FAM163B: variants seen among roughly 807,000 people sequenced by gnomAD.
FAM163B encodes the protein protein FAM163B.
A neutral mutation model predicts 7.6 loss-of-function variants in FAM163B; 4 were observed. That is an observed-to-expected ratio of 0.52 (90% CI 0.26 to 1.20). The LOEUF (loss-of-function observed/expected upper bound fraction) is 1.20. FAM163B is among the 50% of genes most tolerant of loss of function. The pLI is 0.14. For missense variants in FAM163B, 250 were observed against 243.0 expected (o/e 1.03, Z -0.19); for synonymous variants, 120 against 111.6 (o/e 1.07, Z -0.47).
In FAM163B at chr9:133,600,206, AGT is replaced by A. The variant is rs948281152; in HGVS notation, c.-24+8869_-24+8870del. ...TGTATGTGGGAATGTGGTCTGTGTG[AGT>A]GTGTGTGTGTGGGGGGGAATGTGGT... On this transcript the variant is annotated intron_variant, in intron 1 of 2. Coordinates refer to ENST00000673969, the MANE Select transcript of FAM163B (RefSeq NM_001080515.3). This position sits in a 1 kb window ranked among gnomAD's most constrained non-coding sequence, Gnocchi z 4.9. Among the ~76,000 whole-genome samples, 16 of 113,848 alleles carry A rather than the reference AGT, an allele frequency of 1.4e-4. No homozygotes were observed. Among genetic ancestry groups the A allele is most frequent in the South Asian group, 3.1e-4 (1 of 3,228 alleles). The allele number at this position is 113,848 out of a possible 152,430, so 74.7% of individuals were successfully genotyped here. A position where few individuals can be genotyped will look rare whatever the true frequency, so the allele number is the denominator to read the frequency against.
intron 1 of FAM163B, among the ~76,000 whole-genome samples, chr9:133,607,402 G>A (rs184582526): frequency 2.0e-5 from 3 of 152,308 alleles, no homozygotes; most frequent in Admixed American, 1.3e-4. Flanking sequence ...AGGGTAGGAG[G>A]AGCTCTGTGG....
rs557433106 is a variant in FAM163B, at chr9:133,589,992, G to A, written c.-23-9746C>T. Among the ~76,000 whole-genome samples, 7 of 151,794 alleles carry A rather than the reference G, an allele frequency of 4.6e-5. No homozygotes were observed. In the East Asian group the frequency reaches 7.8e-4, roughly 17 times the overall value. ...TTTTGTCTCCCTTAAAAATACCAAT[G>A]TGCAGAAGTTGGGTTCGTAAAACCC... is the stretch of plus-strand genomic sequence containing the variant. On this transcript the variant is annotated intron_variant, in intron 1 of 2. Transcript: ENST00000673969.
chr9:133,590,394 A>G (rs1390603885), intron 1 of FAM163B, among the ~76,000 whole-genome samples: 1 of 152,082 alleles, frequency 6.6e-6, no homozygotes, highest in Admixed American at 6.6e-5. Context: ...GCTCTCGTTT[A>G]GTAAACAAAT....
chr9:133,583,700 C>A (rs758014370), intron 1 of FAM163B, among the ~76,000 whole-genome samples: 1 of 152,220 alleles, frequency 6.6e-6, no homozygotes, highest in Non-Finnish European at 1.5e-5. Flanking sequence ...GCCCAGGTCT[C>A]CTCCAGCGGA....
At chr9:133,588,651 G>GATCTAGCATGTTGAGA (rs1831485616) in intron 1 of FAM163B, among the ~76,000 whole-genome samples, 7 of 9,254 alleles carry the variant, frequency 7.6e-4, no homozygotes, top group Non-Finnish European at 1.6e-3. Flanking sequence ...GCAGGTTGAA[G>GATCTAGCATGTTGAGA]GATCTAGCAT....
At chr9:133,607,931 C>A (rs113864525) in intron 1 of FAM163B, among the ~76,000 whole-genome samples, 10,330 of 152,254 alleles carry the variant, frequency 0.068, 480 homozygotes, top group Non-Finnish European at 0.11. Flanking sequence ...CTCACCTGCT[C>A]AGGTGGGTAG....
intron 1 of FAM163B, among the ~76,000 whole-genome samples, chr9:133,588,595 TTGAGGGATCTAGGATGC>T (rs1831477944): frequency 1.0e-5 from 1 of 99,286 alleles, no homozygotes; most frequent in East Asian, 7.3e-4. Context: ...ATCTAGCATG[TTGAGGGATCTAGGATGC>T]TGAAGGATCT....
At chr9:133,584,172 C>T (rs2131222684) in intron 1 of FAM163B, among the ~76,000 whole-genome samples, 1 of 152,284 alleles carries the variant, frequency 6.6e-6, no homozygotes, top group Admixed American at 6.5e-5. Context: ...TGAGAGGGAC[C>T]AGGTCCCACC....
At chr9:133,587,217 G>A (rs982156762) in intron 1 of FAM163B, among the ~76,000 whole-genome samples, 9 of 152,188 alleles carry the variant, frequency 5.9e-5, no homozygotes, top group African/African-American at 1.7e-4. Flanking sequence ...GCTGACCGGC[G>A]ACCAGGGCGA....
Position 133,590,167 on chromosome 9 carries a change from C to T in FAM163B, c.-23-9921G>A, listed in dbSNP as rs147086824. Among the ~76,000 whole-genome samples the T allele has an allele frequency of 6.2e-3, 705 of 114,332 alleles. 38 individuals carry two copies. Among genetic ancestry groups the T allele is most frequent in the African/African-American group, 0.022 (665 of 30,298 alleles). 75.0% of individuals were successfully genotyped at this position (114,332 alleles called of 152,430 possible). On this transcript the variant is annotated intron_variant, in intron 1 of 2. Transcript: ENST00000673969. ...TCCCCTCCCCTTCCCCTCCCCTTCCCCTCCCCTTCTTTCCTTTCCTTTCCT... is the reference window on the plus strand; with the variant it reads ...TCCCCTCCCCTTCCCCTCCCCTTCCTCTCCCCTTCTTTCCTTTCCTTTCCT...
rs939402205 is a variant in FAM163B at position 133,606,526 on chromosome 9, C to T, written c.-24+2551G>A. The stretch of plus-strand genomic sequence containing the variant: ...CATCCAAAAGCCTTTTGGCCAGGCT[C>T]ACGGTTGCCCCGGTGTCCCATGTGC... On this transcript the variant is annotated intron_variant, in intron 1 of 2. Transcript: ENST00000673969. The surrounding 1 kb of genome is among the most constrained non-coding windows in gnomAD (Gnocchi z 4.0). 6.6e-6 allele frequency among the ~76,000 whole-genome samples: 1 copy of T among 152,212 alleles called. No homozygotes were observed. Among genetic ancestry groups the T allele is most frequent in the Non-Finnish European group, 1.5e-5 (1 of 68,032 alleles).
At chr9:133,580,594 A>T (rs1434759606) in intron 1 of FAM163B, among the ~76,000 whole-genome samples, 1 of 152,208 alleles carries the variant, frequency 6.6e-6, no homozygotes, top group African/African-American at 2.4e-5. Flanking sequence ...ACAAGCTTGC[A>T]CGTTTTTAAA....
intron 1 of FAM163B, among the ~76,000 whole-genome samples, chr9:133,593,143 GT>G (rs1686992701): frequency 6.6e-6 from 1 of 152,194 alleles, no homozygotes; most frequent in Non-Finnish European, 1.5e-5. Flanking sequence ...CCTGATGAAG[GT>G]TTCCCCCCCT....
In FAM163B at chr9:133,579,365, G is replaced by C; in HGVS notation, c.158C>G (p.Ser53Trp). Residue 53 changes from serine (S) to tryptophan (W), a missense_variant, in exon 3 of 3, where the codon TCG becomes TGG. Physicochemically the swap from Ser to Trp is radical, Grantham distance 177. Coordinates refer to ENST00000673969, the MANE Select transcript of FAM163B (RefSeq NM_001080515.3). Reference sequence around the variant, plus strand: ...GTTGGAGTGCAGCGGGGGCAGGTGCGAGTGAACGGCGAAGTCTGGTTCCTC... The same window carrying C: ...GTTGGAGTGCAGCGGGGGCAGGTGCCAGTGAACGGCGAAGTCTGGTTCCTC... ...DEEEPDFAVHSHLPPLHSNRN... is the reference protein window; with the variant it reads ...DEEEPDFAVHWHLPPLHSNRN... The C allele has an allele frequency of 6.2e-7, 1 of 1,612,502 alleles. No homozygotes were observed. The highest frequency in any genetic ancestry group is 8.5e-7 in the Non-Finnish European group (1 of 1,179,614).
chr9:133,577,435 AGAG>A lies in FAM163B; in HGVS notation c.*1584_*1586del, dbSNP rs1236751843. 1.5e-4 allele frequency among the ~76,000 whole-genome samples: 23 copies of A among 152,368 alleles called. No homozygotes were observed. Among genetic ancestry groups the A allele is most frequent in the African/African-American group, 5.5e-4 (23 of 41,588 alleles). On this transcript the variant is annotated 3_prime_UTR_variant, in exon 3 of 3. Transcript: ENST00000673969. ...TCCAAACGAGGCAGGAGAGAAAGTA[AGAG>A]GAGGAAAACAATTGAGAACATAACG... is the stretch of plus-strand genomic sequence containing the variant.
chr9:133,599,773 T>G (rs1315050171), intron 1 of FAM163B, among the ~76,000 whole-genome samples: 1 of 151,030 alleles, frequency 6.6e-6, no homozygotes, highest in Non-Finnish European at 1.5e-5. Flanking sequence ...AGTGTGTTTT[T>G]GTCTGTGCGT....
chr9:133,594,838 C>G (rs1301864821), intron 1 of FAM163B, among the ~76,000 whole-genome samples: 2 of 152,066 alleles, frequency 1.3e-5, no homozygotes, highest in Non-Finnish European at 2.9e-5. Flanking sequence ...AAAGAGCACC[C>G]TGGGCAGGAA....
In FAM163B at chr9:133,606,743, C is replaced by T. The variant is rs561518304; in HGVS notation, c.-24+2334G>A. Among the ~76,000 whole-genome samples the T allele has an allele frequency of 6.6e-6, 1 of 152,172 alleles. No homozygotes were observed. Among genetic ancestry groups the T allele is most frequent in the African/African-American group, 2.4e-5 (1 of 41,422 alleles). ...CGGAGTGGAGGACAGAACAAGGGCT[C>T]GGCTGCTGCTCTGCCTCCCCTCCTG... On this transcript the variant is annotated intron_variant, in intron 1 of 2. Coordinates refer to ENST00000673969, the MANE Select transcript of FAM163B (RefSeq NM_001080515.3). The surrounding 1 kb of genome is among the most constrained non-coding windows in gnomAD (Gnocchi z 4.0).
At chr9:133,582,375 T>G (rs1831368976) in intron 1 of FAM163B, among the ~76,000 whole-genome samples, 1 of 152,158 alleles carries the variant, frequency 6.6e-6, no homozygotes, top group African/African-American at 2.4e-5. Flanking sequence ...GTTCAAATGA[T>G]CCCACTAGGG....
Sources: gnomAD v4.1 joint callset for allele counts (sites outside exome capture counted in the v4.1 genomes callset) on GRCh38, gnomAD v4.1.1 for gene constraint, Gnocchi (gnomAD v3.1) non-coding constraint, MANE v1.5 for transcripts, NCBI Gene and HGNC (gene_info 2026-07-23, HGNC 2026-07-21) for gene names.